The following TRAPPC5 variants were observed in gnomAD, a reference collection of about 807,000 sequenced individuals.
TRAPPC5 encodes trafficking protein particle complex subunit 5, also known as trafficking protein particle complex 5.
In TRAPPC5, 5 loss-of-function variants were observed where a neutral mutation model predicts 9.8. That is an observed-to-expected ratio of 0.51 (90% CI 0.27 to 1.07). TRAPPC5 has a LOEUF of 1.07. Ranked by LOEUF, TRAPPC5 falls within the 50% of genes least tolerant of loss-of-function variation. The pLI is 0.12. For missense variants in TRAPPC5, 243 were observed against 291.5 expected (o/e 0.83, Z 1.21); for synonymous variants, 146 against 140.7 (o/e 1.04, Z -0.26).
In TRAPPC5 at chr19:7,682,426, G is replaced by T; in HGVS notation, c.173G>T (p.Gly58Val). The change falls in exon 2 of 2, where the codon GGC (glycine) becomes GTC (valine). Residue 58 changes from glycine (G) to valine (V), a missense_variant. This residue lies in a region of TRAPPC5 where 154 missense variants were observed against 215.8 expected (regional missense o/e 0.71). Coordinates refer to ENST00000596148, the MANE Select transcript of TRAPPC5 (RefSeq NM_001042462.2). The surrounding 1 kb of genome is among the most constrained non-coding windows in gnomAD (Gnocchi z 8.6). The part of the protein sequence containing the change: ...AELQSRLAAL[G>V]RQVGARVLDA... ...CTGCAGTCGCGCCTGGCCGCGCTGG[G>T]CCGCCAGGTGGGCGCGCGCGTGCTG... 1 of 1,598,052 alleles carries T rather than the reference G, an allele frequency of 6.3e-7. No homozygotes were observed. The highest frequency in any genetic ancestry group is 8.5e-7 in the Non-Finnish European group (1 of 1,173,168).
chr19:7,682,827 C>G lies in TRAPPC5; in HGVS notation c.*7C>G, dbSNP rs1353193278. On this transcript the variant is annotated 3_prime_UTR_variant, in exon 2 of 2. Transcript: ENST00000596148. The surrounding 1 kb of genome is among the most constrained non-coding windows in gnomAD (Gnocchi z 8.6). Reference sequence around the variant, plus strand: ...GGCCCTGGAGGGCCGCTGACCCTGCCGGAGATAAAGGATACAGAGAGCCCC... The same window carrying G: ...GGCCCTGGAGGGCCGCTGACCCTGCGGGAGATAAAGGATACAGAGAGCCCC... 6.3e-7 allele frequency: 1 copy of G among 1,576,028 alleles called. No individual in the cohort carries two copies. The highest frequency in any genetic ancestry group is 8.6e-7 in the Non-Finnish European group (1 of 1,158,516).
In TRAPPC5 at chr19:7,681,243, C is replaced by T. The variant is rs2032630800; in HGVS notation, c.-13+365C>T. Among the ~76,000 whole-genome samples the T allele has an allele frequency of 6.6e-6, 1 of 152,042 alleles. No homozygotes were observed. Among genetic ancestry groups the T allele is most frequent in the Non-Finnish European group, 1.5e-5 (1 of 67,988 alleles). Reference sequence around the variant, plus strand: ...GGACACCCCTCCCCGCTGGTTCTCCCACCTCCCACGCAGACCTCGTTGGGG... The same window carrying T: ...GGACACCCCTCCCCGCTGGTTCTCCTACCTCCCACGCAGACCTCGTTGGGG... On this transcript the variant is annotated intron_variant, in intron 1 of 1. Transcript: ENST00000596148. This position sits in a 1 kb window ranked among gnomAD's most constrained non-coding sequence, Gnocchi z 8.7.
rs1201923343 is a variant in TRAPPC5, at chr19:7,686,306, G to C, written c.*3486G>C. The C allele has an allele frequency of 6.6e-6, 1 of 152,450 alleles. No individual in the cohort carries two copies. The highest frequency in any genetic ancestry group is 1.5e-5 in the Non-Finnish European group (1 of 68,266). The allele number at this position is 152,450 out of a possible 1,614,324, so 9.4% of individuals were successfully genotyped here. On this transcript the variant is annotated 3_prime_UTR_variant, in exon 2 of 2. Transcript: ENST00000596148. Reference sequence around the variant, plus strand: ...AGGATGAAGAGAAAGAAGAGCCTGTGGTTCGGCAGCTTCTGATCACAGCAG... The same window carrying C: ...AGGATGAAGAGAAAGAAGAGCCTGTCGTTCGGCAGCTTCTGATCACAGCAG...
Position 7,682,926 on chromosome 19 carries a change from G to A in TRAPPC5, c.*106G>A. 3.1e-6 allele frequency: 4 copies of A among 1,302,426 alleles called. No homozygotes were observed. Among genetic ancestry groups the A allele is most frequent in the Non-Finnish European group, 1.0e-6 (1 of 958,056 alleles). The allele number at this position is 1,302,426 out of a possible 1,614,324, so 80.7% of individuals were successfully genotyped here. On this transcript the variant is annotated 3_prime_UTR_variant, in exon 2 of 2. Transcript: ENST00000596148. The surrounding 1 kb of genome is among the most constrained non-coding windows in gnomAD (Gnocchi z 8.6). ...TACCTTGAGCCACAGCCCTGCCCCA[G>A]GCTGGGGAGGGAGGCCAGGTCCGAA...
At position 7,682,532 on chromosome 19, in the gene TRAPPC5, G is replaced by A; in HGVS notation, c.279G>A (p.Val93=). The A allele has an allele frequency of 2.5e-6, 4 of 1,613,124 alleles. No homozygotes were observed. Among genetic ancestry groups the A allele is most frequent in the African/African-American group, 1.3e-5 (1 of 75,076 alleles). ...LGALLFVKGA[V]WKALFGKEAD... is the part of the protein sequence containing the mutation. ...CGTTGCTCTTCGTCAAGGGCGCCGT[G>A]TGGAAGGCGCTCTTCGGCAAGGAGG... is the stretch of plus-strand genomic sequence containing the variant. Residue 93 remains valine (V), a synonymous_variant, in exon 2 of 2, where the codon GTG becomes GTA. Coordinates refer to ENST00000596148, the MANE Select transcript of TRAPPC5 (RefSeq NM_001042462.2). The surrounding 1 kb of genome is among the most constrained non-coding windows in gnomAD (Gnocchi z 8.6).
At position 7,687,631 on chromosome 19, in the gene TRAPPC5, TCA is replaced by T. The variant is rs1352915394; in HGVS notation, c.*4812_*4813del. 3.3e-5 allele frequency: 5 copies of T among 152,190 alleles called. No homozygotes were observed. Among genetic ancestry groups the T allele is most frequent in the African/African-American group, 1.2e-4 (5 of 41,440 alleles). The allele number at this position is 152,190 out of a possible 1,614,324, so 9.4% of individuals were successfully genotyped here. The stretch of plus-strand genomic sequence containing the variant: ...CAGTATTCCAAGGGGCCATTGGACC[TCA>T]GAGGCTTCATGTCCTGCACATTCTC... On this transcript the variant is annotated 3_prime_UTR_variant, in exon 2 of 2. Transcript: ENST00000596148.
Position 7,682,497 on chromosome 19 carries a change from G to A in TRAPPC5, c.244G>A (p.Val82Met), listed in dbSNP as rs992467600. 35 of 1,612,878 alleles carry A rather than the reference G, an allele frequency of 2.2e-5. No homozygotes were observed. Among genetic ancestry groups the A allele is most frequent in the Non-Finnish European group, 2.9e-5 (34 of 1,179,920 alleles). The change falls in exon 2 of 2, where the codon GTG becomes ATG. Residue 82 changes from valine to methionine, a missense_variant. Val to Met is a conservative substitution (Grantham distance 21, BLOSUM62 1). This residue lies in a region of TRAPPC5 where 154 missense variants were observed against 215.8 expected (regional missense o/e 0.71). Transcript: ENST00000596148. The surrounding 1 kb of genome is among the most constrained non-coding windows in gnomAD (Gnocchi z 8.6). ...AAAGGGTGCCCGGCGTGAGACCAAG[G>A]TGCTAGGCGCGTTGCTCTTCGTCAA... Reference protein sequence around the residue: ...REKGARRETKVLGALLFVKGA... With the variant: ...REKGARRETKMLGALLFVKGA...
In TRAPPC5 at chr19:7,687,090, T is replaced by A. The variant is rs567428503; in HGVS notation, c.*4270T>A. 6.6e-6 allele frequency: 1 copy of A among 152,326 alleles called. No individual in the cohort carries two copies. Among genetic ancestry groups the A allele is most frequent in the Non-Finnish European group, 1.5e-5 (1 of 68,150 alleles). 9.4% of individuals were successfully genotyped at this position (152,326 alleles called of 1,614,324 possible). On this transcript the variant is annotated 3_prime_UTR_variant, in exon 2 of 2. Transcript: ENST00000596148. ...CTGTGCGCAGCTGGCTTTGGCCTTT[T>A]ATCTGAGCTGGAGGAAACTTCTGGA...
rs189958840 is a variant in TRAPPC5, at chr19:7,684,475, A to T, written c.*1655A>T. The T allele has an allele frequency of 6.6e-6, 1 of 152,286 alleles. No individual in the cohort carries two copies. The highest frequency in any genetic ancestry group is 2.4e-5 in the African/African-American group (1 of 41,404). The allele number at this position is 152,286 out of a possible 1,614,324, so 9.4% of individuals were successfully genotyped here. A position where few individuals can be genotyped will look rare whatever the true frequency, so the allele number is the denominator to read the frequency against. ...GGCAGGAGAATCGCTCCAACCCGGG[A>T]GGTGGAGGTTGCAGTGAGCCGAGAT... is the stretch of plus-strand genomic sequence containing the variant. On this transcript the variant is annotated 3_prime_UTR_variant, in exon 2 of 2. Coordinates refer to ENST00000596148, the MANE Select transcript of TRAPPC5 (RefSeq NM_001042462.2).
chr19:7,685,368 A>C lies in TRAPPC5; in HGVS notation c.*2548A>C, dbSNP rs535483319. On this transcript the variant is annotated 3_prime_UTR_variant, in exon 2 of 2. Coordinates refer to ENST00000596148, the MANE Select transcript of TRAPPC5 (RefSeq NM_001042462.2). ...TCCTGATAACTCCTCCTCTCCCCCA[A>C]GGAAAGTTCTTCCAGATTTTTTGGG... 1 of 152,302 alleles carries C rather than the reference A, an allele frequency of 6.6e-6. No homozygotes were observed. The highest frequency in any genetic ancestry group is 2.4e-5 in the African/African-American group (1 of 41,542). 9.4% of individuals were successfully genotyped at this position (152,302 alleles called of 1,614,324 possible). A position where few individuals can be genotyped will look rare whatever the true frequency, so the allele number is the denominator to read the frequency against.
rs1223317991 is a variant in TRAPPC5 at position 7,681,411 on chromosome 19, T to C, written c.-13+533T>C. On this transcript the variant is annotated intron_variant, in intron 1 of 1. Coordinates refer to ENST00000596148, the MANE Select transcript of TRAPPC5 (RefSeq NM_001042462.2). The surrounding 1 kb of genome is among the most constrained non-coding windows in gnomAD (Gnocchi z 8.7). The stretch of plus-strand genomic sequence containing the variant: ...ATCTCCCTCTCCCCGCACCGACAGC[T>C]GATGGGAGGACCACAGTTGCTCAGC... Among the ~76,000 whole-genome samples, 1 of 152,086 alleles carries C rather than the reference T, an allele frequency of 6.6e-6. No individual in the cohort carries two copies. The highest frequency in any genetic ancestry group is 1.5e-5 in the Non-Finnish European group (1 of 68,006).
chr19:7,684,362 A>G lies in TRAPPC5; in HGVS notation c.*1542A>G, dbSNP rs1160641151. On this transcript the variant is annotated 3_prime_UTR_variant, in exon 2 of 2. Transcript: ENST00000596148. ...GGAGTTCGAGACCAGCCTGGCTAAC[A>G]TGGCAAAACCCCGTCTCTACTAAAA... 1 of 151,344 alleles carries G rather than the reference A, an allele frequency of 6.6e-6. No individual in the cohort carries two copies. Among genetic ancestry groups the G allele is most frequent in the Non-Finnish European group, 1.5e-5 (1 of 67,900 alleles). 9.4% of individuals were successfully genotyped at this position (151,344 alleles called of 1,614,324 possible). A position where few individuals can be genotyped will look rare whatever the true frequency, so the allele number is the denominator to read the frequency against.
In TRAPPC5 at chr19:7,685,307, C is replaced by T. The variant is rs1279202656; in HGVS notation, c.*2487C>T. 2 of 152,092 alleles carry T rather than the reference C, an allele frequency of 1.3e-5. No individual in the cohort carries two copies. Among genetic ancestry groups the T allele is most frequent in the African/African-American group, 4.8e-5 (2 of 41,416 alleles). The allele number at this position is 152,092 out of a possible 1,614,324, so 9.4% of individuals were successfully genotyped here. On this transcript the variant is annotated 3_prime_UTR_variant, in exon 2 of 2. Coordinates refer to ENST00000596148, the MANE Select transcript of TRAPPC5 (RefSeq NM_001042462.2). ...AAAAAGTAATGTATTACACCTCAGG[C>T]AATTTTCCTTTCCCTTTTTGTTCAC...
chr19:7,682,517 C>A lies in TRAPPC5; in HGVS notation c.264C>A (p.Phe88Leu), dbSNP rs1189705741. 7 of 1,613,088 alleles carry A rather than the reference C, an allele frequency of 4.3e-6. No homozygotes were observed. The highest frequency in any genetic ancestry group is 1.7e-5 in the Admixed American group (1 of 60,022). ...CCAAGGTGCTAGGCGCGTTGCTCTT[C>A]GTCAAGGGCGCCGTGTGGAAGGCGC... is the stretch of plus-strand genomic sequence containing the variant. ...RETKVLGALL[F>L]VKGAVWKALF... Residue 88 changes from phenylalanine to leucine, a missense_variant, in exon 2 of 2, where the codon TTC (phenylalanine) becomes TTA (leucine). Phe to Leu is a conservative substitution (Grantham distance 22, BLOSUM62 0). Around this residue, in one of 2 missense-constraint regions of TRAPPC5, gnomAD observed 154 missense variants for 215.8 expected, o/e 0.71. Transcript: ENST00000596148. The surrounding 1 kb of genome is among the most constrained non-coding windows in gnomAD (Gnocchi z 8.6).
rs754934611 is a variant in TRAPPC5 at position 7,682,453 on chromosome 19, A to C, written c.200A>C (p.Asp67Ala). The change falls in exon 2 of 2, where the codon GAT becomes GCT. Residue 67 changes from aspartate to alanine, a missense_variant. Around this residue, in one of 2 missense-constraint regions of TRAPPC5, gnomAD observed 154 missense variants for 215.8 expected, o/e 0.71. Transcript: ENST00000596148. This position sits in a 1 kb window ranked among gnomAD's most constrained non-coding sequence, Gnocchi z 8.6. ...CGCCAGGTGGGCGCGCGCGTGCTGG[A>C]TGCGCTGGTGGCGCGCGAAAAGGGT... ...LGRQVGARVL[D>A]ALVAREKGAR... 6.2e-7 allele frequency: 1 copy of C among 1,608,630 alleles called. No homozygotes were observed. The highest frequency in any genetic ancestry group is 8.5e-7 in the Non-Finnish European group (1 of 1,177,812).
chr19:7,682,626 A>G lies in TRAPPC5; in HGVS notation c.373A>G (p.Asn125Asp). ...FYIIEREPLI[N>D]TYISVPKENS... ...CATCATCGAGCGCGAGCCGCTCATC[A>G]ACACCTACATCTCCGTGCCCAAGGA... Residue 125 changes from asparagine to aspartate, a missense_variant, in exon 2 of 2, where the codon AAC becomes GAC. Asn to Asp is a conservative substitution (Grantham distance 23). Coordinates refer to ENST00000596148, the MANE Select transcript of TRAPPC5 (RefSeq NM_001042462.2). The surrounding 1 kb of genome is among the most constrained non-coding windows in gnomAD (Gnocchi z 8.6). 1 of 1,613,754 alleles carries G rather than the reference A, an allele frequency of 6.2e-7. No individual in the cohort carries two copies. The highest frequency in any genetic ancestry group is 8.5e-7 in the Non-Finnish European group (1 of 1,180,010).
chr19:7,683,312 T>C lies in TRAPPC5; in HGVS notation c.*492T>C, dbSNP rs10405586. 0.49 allele frequency: 74,882 copies of C among 152,386 alleles called. 20,564 individuals carry two copies. Among genetic ancestry groups the C allele is most frequent in the African/African-American group, 0.76 (31,309 of 41,430 alleles). 9.4% of individuals were successfully genotyped at this position (152,386 alleles called of 1,614,324 possible). A position where few individuals can be genotyped will look rare whatever the true frequency, so the allele number is the denominator to read the frequency against. ...CTCACCTCACTGCAAACCTCCACCTTGGGTTCACGTGATTCTCCTGCCTCA... is the reference window on the plus strand; with the variant it reads ...CTCACCTCACTGCAAACCTCCACCTCGGGTTCACGTGATTCTCCTGCCTCA... On this transcript the variant is annotated 3_prime_UTR_variant, in exon 2 of 2. Coordinates refer to ENST00000596148, the MANE Select transcript of TRAPPC5 (RefSeq NM_001042462.2).
In TRAPPC5 at chr19:7,682,655, C is replaced by A; in HGVS notation, c.402C>A (p.Asn134Lys). Residue 134 changes from asparagine (N) to lysine (K), a missense_variant, in exon 2 of 2, where the codon AAC becomes AAA. By Grantham distance (94) the Asn-to-Lys change is moderately conservative. Transcript: ENST00000596148. The surrounding 1 kb of genome is among the most constrained non-coding windows in gnomAD (Gnocchi z 8.6). The part of the protein sequence containing the change: ...INTYISVPKE[N>K]STLNCASFTA... ...CCTACATCTCCGTGCCCAAGGAGAA[C>A]AGCACGCTCAACTGCGCCAGCTTCA... 1 of 1,613,948 alleles carries A rather than the reference C, an allele frequency of 6.2e-7. No individual in the cohort carries two copies. The highest frequency in any genetic ancestry group is 1.1e-5 in the South Asian group (1 of 91,086).
rs2032725583 is a variant in TRAPPC5 at position 7,686,910 on chromosome 19, G to T, written c.*4090G>T. On this transcript the variant is annotated 3_prime_UTR_variant, in exon 2 of 2. Transcript: ENST00000596148. ...TCCTCCCACCTCGGCCTCCCAAGCA[G>T]CTGGGACCAAGTTGCCCATCACTAC... is the stretch of plus-strand genomic sequence containing the variant. The T allele has an allele frequency of 6.6e-6, 1 of 151,934 alleles. No homozygotes were observed. Among genetic ancestry groups the T allele is most frequent in the African/African-American group, 2.4e-5 (1 of 41,300 alleles). 9.4% of individuals were successfully genotyped at this position (151,934 alleles called of 1,614,324 possible).
Sources: gnomAD v4.1 joint callset for allele counts (sites outside exome capture counted in the v4.1 genomes callset) on GRCh38, gnomAD v4.1.1 for gene constraint, gnomAD v4.1.1 regional missense constraint, Gnocchi (gnomAD v3.1) non-coding constraint, MANE v1.5 for transcripts, NCBI Gene and HGNC (gene_info 2026-07-23, HGNC 2026-07-21) for gene names.